ZNF117: variants seen among roughly 807,000 people sequenced by gnomAD.
The protein encoded by ZNF117 is Krueppel-related zinc finger protein.
Under a neutral mutation model 41.2 loss-of-function variants are expected in ZNF117, and 37 were observed. The observed-to-expected ratio is 0.90, with a 90% CI of 0.69 to 1.18. The LOEUF is 1.18. ZNF117 is among the 50% of genes most tolerant of loss of function. The pLI is 0.00. For synonymous variants in ZNF117, 186 were observed against 186.6 expected, an observed-to-expected ratio of 1.00 and a Z score of 0.02; for missense variants, 546 against 557.5, an observed-to-expected ratio of 0.98 and a Z score of 0.21.
chr7:64,986,343 G>A (rs1328576810), upstream of ZNF117, among the ~76,000 whole-genome samples: 3 of 152,150 alleles, frequency 2.0e-5, no homozygotes, highest in Non-Finnish European at 2.9e-5. Flanking sequence ...GTACAAAACT[G>A]TTATGTAAGA....
Position 64,981,115 on chromosome 7 carries a change from A to G in ZNF117, c.34+272T>C, listed in dbSNP as rs1268901936. ...CCCAAAACAACAACAAAAAAAAACC[A>G]GTCAGATTGTGCAGTCTTTTATATC... is the stretch of plus-strand genomic sequence containing the variant. On this transcript the variant is annotated intron_variant, in intron 2 of 2. Transcript: ENST00000620222. The G allele has an allele frequency of 1.4e-5, 5 of 366,772 alleles. No individual in the cohort carries two copies. In the South Asian group the frequency reaches 1.7e-4, roughly 13 times the overall value. 22.7% of individuals were successfully genotyped at this position (366,772 alleles called of 1,614,324 possible). A position where few individuals can be genotyped will look rare whatever the true frequency, so the allele number is the denominator to read the frequency against.
At chr7:64,979,099 T>G in exon 3 of ZNF117, 1 of 1,612,952 alleles carries the variant, frequency 6.2e-7, no homozygotes. Context: ...CCAGTATGAA[T>G]TCTCTTATGT....
chr7:64,983,745 C>T (rs1786080070), upstream of ZNF117, among the ~76,000 whole-genome samples: 4 of 152,154 alleles, frequency 2.6e-5, 1 homozygote, highest in African/African-American at 9.7e-5. Context: ...ACAGAGATAG[C>T]TCTAAGAGCT....
chr7:64,985,179 G>A (rs1343219612), upstream of ZNF117, among the ~76,000 whole-genome samples: 1 of 152,190 alleles, frequency 6.6e-6, no homozygotes, highest in African/African-American at 2.4e-5. Context: ...CTGTTTATAT[G>A]AATGCAGTTT....
intron 1 of ZNF117, among the ~76,000 whole-genome samples, chr7:64,989,442 A>ATTAT (rs1786204501): frequency 6.1e-5 from 5 of 82,084 alleles, no homozygotes; most frequent in Admixed American, 4.5e-4. Flanking sequence ...AGAACTTAAA[A>ATTAT]TTATATATAT....
chr7:64,983,473 AT>A, upstream of ZNF117, among the ~76,000 whole-genome samples: 1 of 152,356 alleles, frequency 6.6e-6, no homozygotes, highest in South Asian at 2.1e-4. Flanking sequence ...AAACAAACTC[AT>A]TAGGGAGAAA....
exon 3 of ZNF117, chr7:64,978,894 C>T (rs1487875354): frequency 1.2e-6 from 2 of 1,613,540 alleles, no homozygotes; most frequent in African/African-American, 2.7e-5. Context: ...AGCTCTAACA[C>T]ATTTCTCACA....
chr7:64,986,952 T>C (rs192060024), upstream of ZNF117, among the ~76,000 whole-genome samples: 1 of 152,142 alleles, frequency 6.6e-6, no homozygotes, highest in Non-Finnish European at 1.5e-5. Flanking sequence ...ATAATCATAA[T>C]AGACATCTAC....
chr7:64,988,945 T>C (rs1156646386), intron 1 of ZNF117, among the ~76,000 whole-genome samples: 1 of 152,050 alleles, frequency 6.6e-6, no homozygotes, highest in African/African-American at 2.4e-5. Flanking sequence ...AAATCATATA[T>C]GACACAAATA....
upstream of ZNF117, among the ~76,000 whole-genome samples, chr7:64,982,780 C>T (rs905609051): frequency 6.6e-6 from 1 of 152,142 alleles, no homozygotes; most frequent in Non-Finnish European, 1.5e-5. Flanking sequence ...TGATGGTTTA[C>T]ATGCACATCA....
At chr7:64,991,036 C>T (rs1189600292) in exon 1 of ZNF117, 1 of 521,602 alleles carries the variant, frequency 1.9e-6, no homozygotes, top group Admixed American at 3.4e-5. Context: ...GGCCATTAGT[C>T]GTGTGGTAGT....
exon 3 of ZNF117, chr7:64,975,255 A>G (rs1178633935): frequency 1.3e-5 from 2 of 149,138 alleles, no homozygotes. Context: ...TAAGTTCACA[A>G]TAATCTAAAA....
chr7:64,982,332 C>A (rs1786048770), upstream of ZNF117, among the ~76,000 whole-genome samples: 2 of 152,034 alleles, frequency 1.3e-5, no homozygotes, highest in South Asian at 2.1e-4. Context: ...TAAGAAGATC[C>A]ACAACATCTG....
chr7:64,980,879 G>A (rs62455644), intron 2 of ZNF117: 5,617 of 153,056 alleles, frequency 0.037, 165 homozygotes, highest in East Asian at 0.15. Flanking sequence ...ATCCTGAAAA[G>A]GTATATTGGC....
At chr7:64,979,254 T>C (rs1460186320) in exon 3 of ZNF117, 4 of 1,607,438 alleles carry the variant, frequency 2.5e-6, no homozygotes, top group Middle Eastern at 3.3e-4. Flanking sequence ...AAAATGTTTA[T>C]TTTCAGTATG....
downstream of ZNF117, chr7:64,972,186 T>C (rs181611422): frequency 3.4e-4 from 52 of 152,160 alleles, no homozygotes; most frequent in East Asian, 7.3e-3. Context: ...AGTCAAAGTA[T>C]GAAGAAAAGG....
At chr7:64,972,529 T>G (rs901684815), downstream of ZNF117, 6 of 152,070 alleles carry the variant, frequency 3.9e-5, no homozygotes, top group African/African-American at 1.4e-4. Flanking sequence ...TTTGTCTACA[T>G]GAGCCAGACA....
chr7:64,987,728 G>A (rs10255285), intron 1 of ZNF117, among the ~76,000 whole-genome samples: 150,207 of 152,002 alleles, frequency 0.99, 74,239 homozygotes, highest in East Asian at 1. Context: ...CACATCTGTA[G>A]TCCCAGCTCT....
upstream of ZNF117, among the ~76,000 whole-genome samples, chr7:64,985,957 A>AG (rs1277885395): frequency 4.0e-5 from 6 of 150,912 alleles, no homozygotes; most frequent in Admixed American, 3.3e-4. Flanking sequence ...TCTCAAAAAA[A>AG]AAAAAAAAAA....
Sources: gnomAD v4.1 joint callset for allele counts (sites outside exome capture counted in the v4.1 genomes callset) on GRCh38, gnomAD v4.1.1 for gene constraint, MANE v1.5 for transcripts, NCBI Gene and HGNC (gene_info 2026-07-23, HGNC 2026-07-21) for gene names.